The following CACNA2D1 variants were observed in gnomAD, a reference collection of about 807,000 sequenced individuals.
CACNA2D1 encodes the protein calcium voltage-gated channel auxiliary subunit alpha2delta 1.
A neutral mutation model predicts 171.5 loss-of-function variants in CACNA2D1; 53 were observed. The ratio of observed to expected loss-of-function variants is 0.31; its 90% CI spans 0.25 to 0.39. The LOEUF is 0.39. CACNA2D1 is among the 10% of genes least tolerant of loss of function. The probability of loss-of-function intolerance (pLI) is 1.00; values close to 1 mark genes in which losing one functional copy is unlikely to be tolerated. For synonymous variants in CACNA2D1, 442 were observed against 443.1 expected (o/e 1.00, Z 0.03); for missense variants, 903 against 1,299.8 (o/e 0.69, Z 4.69).
intron 3 of CACNA2D1, among the ~76,000 whole-genome samples, chr7:82,309,770 C>G (rs916199861): frequency 2.0e-5 from 3 of 152,108 alleles, no homozygotes; most frequent in African/African-American, 7.2e-5. Context: ...CACCTCTGTC[C>G]TCTGTCCTGG....
At chr7:81,962,794 G>A (rs1794296613) in intron 34 of CACNA2D1, among the ~76,000 whole-genome samples, 1 of 152,022 alleles carries the variant, frequency 6.6e-6, no homozygotes, top group Admixed American at 6.6e-5. Flanking sequence ...GAGAATGTCT[G>A]TTTCAGCGCG....
chr7:82,443,826 AGGCGGAGGCGGGGGCGGG>A, upstream of CACNA2D1: 1 of 468,404 alleles, frequency 2.1e-6, no homozygotes, highest in Non-Finnish European at 2.9e-6. Flanking sequence ...GCCGAGGCGA[AGGCGGAGGCGGGGGCGGG>A]GGCGGAGGAG....
chr7:82,403,425 T>G (rs1479919218), intron 1 of CACNA2D1, among the ~76,000 whole-genome samples: 2 of 152,208 alleles, frequency 1.3e-5, no homozygotes, highest in African/African-American at 4.8e-5. Context: ...TAAGGTGGAC[T>G]TTCAAGTGTA....
chr7:82,240,409 T>A (rs1343847286), intron 3 of CACNA2D1, among the ~76,000 whole-genome samples: 1 of 152,214 alleles, frequency 6.6e-6, no homozygotes, highest in Admixed American at 6.5e-5. Context: ...GATCTAATAA[T>A]CTCATTTTAT....
rs975400436 is a variant in CACNA2D1, at chr7:81,953,526, A to G, written c.3160-3018T>C. Among the ~76,000 whole-genome samples, 8 of 151,664 alleles carry G rather than the reference A, an allele frequency of 5.3e-5. No individual in the cohort carries two copies. In the East Asian group the frequency reaches 1.6e-3, roughly 30 times the overall value. On this transcript the variant is annotated intron_variant, in intron 38 of 38. Transcript: ENST00000356860. ...TCCAGGTAGGGTAAACAGATAAAAA[A>G]CAGGGTACCAGTAACAATTGAATAT...
intron 21 of CACNA2D1, among the ~76,000 whole-genome samples, chr7:81,985,325 C>G (rs961400221): frequency 6.6e-6 from 1 of 151,476 alleles, no homozygotes; most frequent in Non-Finnish European, 1.5e-5. Context: ...CCTCAGCCCC[C>G]GAAGTAGCTG....
At chr7:82,068,864 A>C (rs1340872684) in intron 7 of CACNA2D1, among the ~76,000 whole-genome samples, 1 of 152,172 alleles carries the variant, frequency 6.6e-6, no homozygotes, top group Non-Finnish European at 1.5e-5. Flanking sequence ...TAACTGTGAT[A>C]TATATTACTA....
intron 3 of CACNA2D1, among the ~76,000 whole-genome samples, chr7:82,194,323 C>CA (rs1798637472): frequency 6.6e-6 from 1 of 151,890 alleles, no homozygotes; most frequent in Admixed American, 6.6e-5. Flanking sequence ...TGCTTTGTGC[C>CA]AAAAATGACA....
At chr7:82,275,800 T>C (rs748930902) in intron 3 of CACNA2D1, among the ~76,000 whole-genome samples, 2 of 152,190 alleles carry the variant, frequency 1.3e-5, no homozygotes, top group Non-Finnish European at 2.9e-5. Context: ...TTTTAGATAT[T>C]ACATTTGCTC....
At chr7:82,421,793 A>G (rs1057320098) in intron 1 of CACNA2D1, among the ~76,000 whole-genome samples, 4 of 152,200 alleles carry the variant, frequency 2.6e-5, no homozygotes, top group African/African-American at 9.6e-5. Flanking sequence ...GAGGATGGTC[A>G]GGGAAGATAA....
At position 81,980,571 on chromosome 7, in the gene CACNA2D1, G is replaced by A. The variant is rs143322493; in HGVS notation, c.1955+1996C>T. Among the ~76,000 whole-genome samples the A allele has an allele frequency of 8.8e-4, 133 of 151,218 alleles. 1 individual carries two copies. Among genetic ancestry groups the A allele is most frequent in the South Asian group, 2.7e-3 (13 of 4,794 alleles). ...AAAGACAATATACAATCACTGGCTC[G>A]TATTTAGCAGATGAGAAATATGATT... On this transcript the variant is annotated intron_variant, in intron 24 of 38. Coordinates refer to ENST00000356860, the MANE Select transcript of CACNA2D1 (RefSeq NM_000722.4).
At chr7:82,377,710 A>G (rs1194139483) in intron 1 of CACNA2D1, among the ~76,000 whole-genome samples, 1 of 152,204 alleles carries the variant, frequency 6.6e-6, no homozygotes, top group Non-Finnish European at 1.5e-5. Flanking sequence ...CCACATGATC[A>G]TAAGGCCTCG....
chr7:82,163,801 C>A (rs1468435238), intron 4 of CACNA2D1, among the ~76,000 whole-genome samples: 2 of 151,910 alleles, frequency 1.3e-5, no homozygotes, highest in Non-Finnish European at 2.9e-5. Flanking sequence ...AGGCAAATAT[C>A]CATCAAGAGA....
chr7:82,088,064 G>C (rs1216579185), intron 6 of CACNA2D1, among the ~76,000 whole-genome samples: 2 of 152,058 alleles, frequency 1.3e-5, no homozygotes, highest in African/African-American at 4.8e-5. Flanking sequence ...TATGTGGGTA[G>C]AGTTTATTTA....
At position 81,949,444 on chromosome 7, in the gene CACNA2D1, C is replaced by G. The variant is rs1792295728; in HGVS notation, c.*948G>C. 1 of 152,026 alleles carries G rather than the reference C, an allele frequency of 6.6e-6. No individual in the cohort carries two copies. The highest frequency in any genetic ancestry group is 2.1e-4 in the South Asian group (1 of 4,830). The allele number at this position is 152,026 out of a possible 1,614,324, so 9.4% of individuals were successfully genotyped here. A position where few individuals can be genotyped will look rare whatever the true frequency, so the allele number is the denominator to read the frequency against. Reference sequence around the variant, plus strand: ...CAGTTAACTTTTCAATGACTACACTCTACAGTAAGAGAAAAAACAACTGAA... The same window carrying G: ...CAGTTAACTTTTCAATGACTACACTGTACAGTAAGAGAAAAAACAACTGAA... On this transcript the variant is annotated 3_prime_UTR_variant, in exon 39 of 39. Transcript: ENST00000356860.
intron 3 of CACNA2D1, among the ~76,000 whole-genome samples, chr7:82,289,565 G>A (rs535232840): frequency 6.6e-6 from 1 of 152,240 alleles, no homozygotes; most frequent in Non-Finnish European, 1.5e-5. Context: ...GTATGATAAA[G>A]GTCTTTCATT....
chr7:82,381,132 G>A (rs1469973314), intron 1 of CACNA2D1, among the ~76,000 whole-genome samples: 6 of 151,934 alleles, frequency 3.9e-5, no homozygotes, highest in Non-Finnish European at 7.4e-5. Flanking sequence ...TTAACACGGT[G>A]AAACCCCATC....
intron 6 of CACNA2D1, among the ~76,000 whole-genome samples, chr7:82,095,909 C>T (rs1811805543): frequency 6.6e-6 from 1 of 152,128 alleles, no homozygotes; most frequent in South Asian, 2.1e-4. Context: ...GATAAAATCA[C>T]CCCTTTTAAT....
intron 3 of CACNA2D1, among the ~76,000 whole-genome samples, chr7:82,236,274 T>C (rs532280267): frequency 2.8e-4 from 42 of 152,202 alleles, no homozygotes; most frequent in Non-Finnish European, 5.2e-4. Flanking sequence ...TTTAAAAGCC[T>C]TTGGATCCAT....
Sources: allele counts gnomAD v4.1 joint callset (sites outside exome capture counted in the v4.1 genomes callset), GRCh38; gene constraint gnomAD v4.1.1; transcripts MANE v1.5; gene names NCBI Gene and HGNC (gene_info 2026-07-23, HGNC 2026-07-21).